BTD: variants seen among roughly 807,000 people sequenced by gnomAD.
BTD encodes biotinidase, also known as biocytinase.
A neutral mutation model predicts 17.7 loss-of-function variants in BTD; 13 were observed. The ratio of observed to expected loss-of-function variants is 0.74; its 90% CI spans 0.48 to 1.17. The LOEUF (loss-of-function observed/expected upper bound fraction) is 1.17, where lower values mean the gene tolerates loss of function less well. BTD is among the 50% of genes most tolerant of loss of function. The probability of loss-of-function intolerance (pLI) is 0.00; values close to 1 mark genes in which losing one functional copy is unlikely to be tolerated. For missense variants in BTD, 674 were observed against 650.4 expected, an observed-to-expected ratio of 1.04 and a Z score of -0.39; for synonymous variants, 240 against 245.2, an observed-to-expected ratio of 0.98 and a Z score of 0.20.
intron 3 of BTD, among the ~76,000 whole-genome samples, chr3:15,687,106 C>T (rs115930109): frequency 1.3e-5 from 2 of 151,684 alleles, no homozygotes; most frequent in Admixed American, 6.6e-5. Context: ...CCACACCCGG[C>T]GATTTTTTTT....
At chr3:15,672,317 T>A (rs2066456563) in intron 3 of BTD, among the ~76,000 whole-genome samples, 1 of 152,064 alleles carries the variant, frequency 6.6e-6, no homozygotes, top group Non-Finnish European at 1.5e-5. Context: ...ATTTTTAAAC[T>A]TTTTTGTAGA....
At chr3:15,707,834 G>C in intron 3 of BTD, 2 of 1,463,382 alleles carry the variant, frequency 1.4e-6, no homozygotes, top group Non-Finnish European at 1.9e-6. Flanking sequence ...AATACAAAGA[G>C]GAAACACAAA....
At chr3:15,606,034 C>CA (rs375240065) in intron 1 of BTD, among the ~76,000 whole-genome samples, 34,245 of 133,916 alleles carry the variant, frequency 0.26, 4,571 homozygotes, top group African/African-American at 0.28. Context: ...CAGAGCGAGA[C>CA]CCTGTCTCAA....
chr3:15,683,019 A>G (rs1179941555), intron 3 of BTD, among the ~76,000 whole-genome samples: 1 of 152,226 alleles, frequency 6.6e-6, no homozygotes, highest in Non-Finnish European at 1.5e-5. Flanking sequence ...TAGCAGTGAT[A>G]GAGTAGGAAC....
At position 15,653,251 on chromosome 3, in the gene BTD, C is replaced by T. The variant is rs868234180; in HGVS notation, c.*7763C>T. Among the ~76,000 whole-genome samples the T allele has an allele frequency of 6.6e-6, 1 of 152,232 alleles. No homozygotes were observed. Among genetic ancestry groups the T allele is most frequent in the Non-Finnish European group, 1.5e-5 (1 of 68,052 alleles). On this transcript the variant is annotated 3_prime_UTR_variant, in exon 4 of 4. Transcript: ENST00000643237. Reference sequence around the variant, plus strand: ...GTTTAACAAGTCCTCCAGGTGATTCCGATCCTAATCAAGTGTGAGCCCACT... The same window carrying T: ...GTTTAACAAGTCCTCCAGGTGATTCTGATCCTAATCAAGTGTGAGCCCACT...
chr3:15,692,441 C>T (rs542500348), intron 3 of BTD, among the ~76,000 whole-genome samples: 14 of 151,970 alleles, frequency 9.2e-5, no homozygotes, highest in African/African-American at 3.1e-4. Flanking sequence ...CAGAGTGAGA[C>T]AATGAAAAAC....
At chr3:15,609,128 C>T (rs141205021) in intron 1 of BTD, among the ~76,000 whole-genome samples, 1 of 152,138 alleles carries the variant, frequency 6.6e-6, no homozygotes, top group Admixed American at 6.5e-5. Context: ...CGTTTGAGTT[C>T]TTCTTTGGAG....
At position 15,652,696 on chromosome 3, in the gene BTD, G is replaced by A. The variant is rs1191604768; in HGVS notation, c.*7208G>A. Among the ~76,000 whole-genome samples the A allele has an allele frequency of 6.6e-6, 1 of 152,150 alleles. No individual in the cohort carries two copies. The highest frequency in any genetic ancestry group is 2.4e-5 in the African/African-American group (1 of 41,418). On this transcript the variant is annotated 3_prime_UTR_variant, in exon 4 of 4. Transcript: ENST00000643237. ...ACAGCAATAGAAAACTAATACAATAGTCTTGCTACCAGCACCTTAATCTCC... is the reference window on the plus strand; with the variant it reads ...ACAGCAATAGAAAACTAATACAATAATCTTGCTACCAGCACCTTAATCTCC...
At chr3:15,643,370 G>A (rs563191740) in intron 3 of BTD, among the ~76,000 whole-genome samples, 1 of 152,252 alleles carries the variant, frequency 6.6e-6, no homozygotes, top group East Asian at 1.9e-4. Flanking sequence ...GTGTGGTGGT[G>A]CATGCCTGTA....
Position 15,649,256 on chromosome 3 carries a change from C to T in BTD, c.*3768C>T, listed in dbSNP as rs2065760133. Among the ~76,000 whole-genome samples, 1 of 152,126 alleles carries T rather than the reference C, an allele frequency of 6.6e-6. No individual in the cohort carries two copies. The highest frequency in any genetic ancestry group is 2.4e-5 in the African/African-American group (1 of 41,444). On this transcript the variant is annotated 3_prime_UTR_variant, in exon 4 of 4. Coordinates refer to ENST00000643237, the MANE Select transcript of BTD (RefSeq NM_001370658.1). Reference sequence around the variant, plus strand: ...AGCTGAGTGTCCTCATGATGTGGCCCCTGGCTTCCCCTGAAGCAAATGATC... The same window carrying T: ...AGCTGAGTGTCCTCATGATGTGGCCTCTGGCTTCCCCTGAAGCAAATGATC...
intron 3 of BTD, among the ~76,000 whole-genome samples, chr3:15,699,716 A>G (rs543504638): frequency 9.8e-5 from 15 of 152,342 alleles, no homozygotes; most frequent in African/African-American, 3.1e-4. Context: ...AATGGCCATC[A>G]TTAAAAAGTC....
At chr3:15,677,375 T>C (rs1405144199) in intron 3 of BTD, 4 of 774,560 alleles carry the variant, frequency 5.2e-6, no homozygotes, top group Non-Finnish European at 6.4e-6. Flanking sequence ...CCAGTGATCA[T>C]TAGAGAGGTT....
At chr3:15,675,935 C>T (rs1356576226) in intron 3 of BTD, 6 of 1,612,908 alleles carry the variant, frequency 3.7e-6, no homozygotes, top group Non-Finnish European at 5.1e-6. Context: ...CTCCTTTTCC[C>T]AAAAGTTCCT....
chr3:15,650,590 ACT>A lies in BTD; in HGVS notation c.*5106_*5107del, dbSNP rs2065786555. 1.3e-5 allele frequency among the ~76,000 whole-genome samples: 2 copies of A among 151,984 alleles called. No homozygotes were observed. The highest frequency in any genetic ancestry group is 4.2e-4 in the South Asian group (2 of 4,816). Reference sequence around the variant, plus strand: ...CTTTATCATTTTCTCCCACAGACAGACTCTCGTGTAGTTGCAACAATGGCCAT... The same window carrying A: ...CTTTATCATTTTCTCCCACAGACAGACTCGTGTAGTTGCAACAATGGCCAT... On this transcript the variant is annotated 3_prime_UTR_variant, in exon 4 of 4. Transcript: ENST00000643237.
At chr3:15,694,758 A>ATTG in intron 3 of BTD, 1 of 1,613,478 alleles carries the variant, frequency 6.2e-7, no homozygotes, top group Non-Finnish European at 8.5e-7. Flanking sequence ...TAAAGGGCTT[A>ATTG]TTGTTGCTCT....
At chr3:15,720,571 T>G (rs1205228113) in intron 4 of BTD, among the ~76,000 whole-genome samples, 35 of 152,206 alleles carry the variant, frequency 2.3e-4, no homozygotes, top group Non-Finnish European at 1.5e-5. Flanking sequence ...GTATATAACA[T>G]AAACCCCTGC....
At chr3:15,696,105 G>C in intron 3 of BTD, 1 of 1,400,258 alleles carries the variant, frequency 7.1e-7, no homozygotes, top group Non-Finnish European at 9.9e-7. Flanking sequence ...ACTCCCATTA[G>C]GTCTTTCACA....
At chr3:15,659,612 C>G (rs1039608103) in intron 3 of BTD, among the ~76,000 whole-genome samples, 65 of 152,316 alleles carry the variant, frequency 4.3e-4, no homozygotes, top group African/African-American at 1.5e-3. Context: ...CCCAGACTAA[C>G]AGAGTTAATA....
intron 3 of BTD, among the ~76,000 whole-genome samples, chr3:15,692,635 T>C (rs1222468692): frequency 6.6e-6 from 1 of 152,222 alleles, no homozygotes; most frequent in Non-Finnish European, 1.5e-5. Context: ...CAGATCAGTA[T>C]GTTTTCACTG....
Sources: allele counts gnomAD v4.1 joint callset (sites outside exome capture counted in the v4.1 genomes callset), GRCh38; gene constraint gnomAD v4.1.1; transcripts MANE v1.5; gene names NCBI Gene and HGNC (gene_info 2026-07-23, HGNC 2026-07-21).